POU6F2: variants seen among roughly 807,000 people sequenced by gnomAD.
POU6F2 encodes the protein POU class 6 homeobox 2, also known as POU domain, class 6, transcription factor 2.
In POU6F2, 31 loss-of-function variants were observed where a neutral mutation model predicts 71.3. That is an observed-to-expected ratio of 0.43 (90% CI 0.33 to 0.59). The LOEUF is 0.59. Among genes scored for constraint, POU6F2 ranks in the 20% least tolerant of loss-of-function variants. The pLI is 0.04. For synonymous variants in POU6F2, 347 were observed against 355.7 expected (o/e 0.98, Z 0.27); for missense variants, 783 against 856.8 (o/e 0.91, Z 1.07).
chr7:39,367,162 T>C (rs535884762), intron 5 of POU6F2, among the ~76,000 whole-genome samples: 1 of 152,342 alleles, frequency 6.6e-6, no homozygotes, highest in East Asian at 1.9e-4. Context: ...TCTTCATTAA[T>C]TTAACCATTA....
intron 4 of POU6F2, among the ~76,000 whole-genome samples, chr7:39,269,579 G>A (rs923639614): frequency 1.3e-5 from 2 of 152,188 alleles, no homozygotes; most frequent in African/African-American, 4.8e-5. Context: ...CCTATAAGTG[G>A]TTCTTTCTTC....
chr7:39,283,860 C>T (rs11514783), intron 4 of POU6F2, among the ~76,000 whole-genome samples: 44,012 of 151,908 alleles, frequency 0.29, 7,247 homozygotes, highest in East Asian at 0.46. Flanking sequence ...AAAAATTTAG[C>T]ACCTGTACTC....
At chr7:39,403,916 C>T (rs1337622971) in intron 5 of POU6F2, among the ~76,000 whole-genome samples, 1 of 152,256 alleles carries the variant, frequency 6.6e-6, no homozygotes, top group Non-Finnish European at 1.5e-5. Flanking sequence ...GCACACCACA[C>T]TCCGTGACTG....
At chr7:39,155,555 T>C (rs1212210905) in intron 2 of POU6F2, among the ~76,000 whole-genome samples, 1 of 152,172 alleles carries the variant, frequency 6.6e-6, no homozygotes, top group East Asian at 1.9e-4. Context: ...AAGTTGCAAA[T>C]ACCTTTGAAA....
chr7:39,283,703 A>G (rs1003021999), intron 4 of POU6F2, among the ~76,000 whole-genome samples: 1 of 152,188 alleles, frequency 6.6e-6, no homozygotes, highest in Non-Finnish European at 1.5e-5. Context: ...CTTTTTGGCT[A>G]TTGAGCAAAT....
At chr7:39,317,670 C>A (rs1290843297) in intron 4 of POU6F2, among the ~76,000 whole-genome samples, 1 of 152,136 alleles carries the variant, frequency 6.6e-6, no homozygotes, top group Non-Finnish European at 1.5e-5. Flanking sequence ...CTATTAGGTA[C>A]AGAACTGCCT....
At chr7:39,044,215 AT>A (rs1263739425) in intron 1 of POU6F2, among the ~76,000 whole-genome samples, 1 of 151,892 alleles carries the variant, frequency 6.6e-6, no homozygotes, top group Non-Finnish European at 1.5e-5. Context: ...TATGGGGTCG[AT>A]TTTCATTATC....
At chr7:39,009,734 G>T (rs372336807) in intron 1 of POU6F2, among the ~76,000 whole-genome samples, 2 of 151,558 alleles carry the variant, frequency 1.3e-5, no homozygotes, top group South Asian at 2.1e-4. Flanking sequence ...TAGCATGAAG[G>T]GTTGTTGAAT....
chr7:39,398,040 T>A (rs965786056), intron 5 of POU6F2, among the ~76,000 whole-genome samples: 65 of 148,182 alleles, frequency 4.4e-4, no homozygotes, highest in African/African-American at 1.3e-3. Flanking sequence ...CACGTATTTT[T>A]AAAAAAAAAA....
chr7:39,105,862 CA>C (rs1459680766), intron 2 of POU6F2, among the ~76,000 whole-genome samples: 2 of 152,142 alleles, frequency 1.3e-5, no homozygotes, highest in African/African-American at 4.8e-5. Flanking sequence ...CTCCAGTACC[CA>C]GGGGATACAT....
intron 1 of POU6F2, among the ~76,000 whole-genome samples, chr7:39,063,003 G>T (rs1401715714): frequency 6.6e-6 from 1 of 152,058 alleles, no homozygotes; most frequent in East Asian, 1.9e-4. Context: ...TCTGGAATGG[G>T]GTCAAAGTCA....
At position 39,162,729 on chromosome 7, in the gene POU6F2, A is replaced by G. The variant is rs1330491435; in HGVS notation, c.278-41506A>G. ...AAGTTAAACACTCTGGCTTTCTCAGAGCCATGATGCCATTATGCTGGTAAA... is the reference window on the plus strand; with the variant it reads ...AAGTTAAACACTCTGGCTTTCTCAGGGCCATGATGCCATTATGCTGGTAAA... On this transcript the variant is annotated intron_variant, in intron 2 of 9. Transcript: ENST00000518318. Among the ~76,000 whole-genome samples, 3 of 152,318 alleles carry G rather than the reference A, an allele frequency of 2.0e-5. No homozygotes were observed. In the East Asian group the frequency reaches 5.8e-4, roughly 29 times the overall value.
At chr7:39,038,081 G>A (rs1790105754) in intron 1 of POU6F2, among the ~76,000 whole-genome samples, 1 of 152,008 alleles carries the variant, frequency 6.6e-6, no homozygotes, top group African/African-American at 2.4e-5. Context: ...TCAAGCTGTA[G>A]CTTAACTGAG....
chr7:39,150,327 T>TA (rs1792730388), intron 2 of POU6F2, among the ~76,000 whole-genome samples: 1 of 151,890 alleles, frequency 6.6e-6, no homozygotes, highest in Non-Finnish European at 1.5e-5. Flanking sequence ...GGAGTGTAGA[T>TA]ATCTTTACAA....
intron 4 of POU6F2, among the ~76,000 whole-genome samples, chr7:39,302,189 T>C (rs1784959733): frequency 6.6e-6 from 1 of 152,202 alleles, no homozygotes; most frequent in Admixed American, 6.5e-5. Context: ...TCAAAAGTTA[T>C]GAGACAAGTT....
At chr7:39,154,347 C>T (rs1380714736) in intron 2 of POU6F2, among the ~76,000 whole-genome samples, 1 of 152,104 alleles carries the variant, frequency 6.6e-6, no homozygotes, top group African/African-American at 2.4e-5. Context: ...GCTCTCTTGG[C>T]CCCAGCGTGA....
chr7:39,339,177 A>G (rs1413083317), intron 4 of POU6F2, among the ~76,000 whole-genome samples: 3 of 152,014 alleles, frequency 2.0e-5, no homozygotes, highest in Non-Finnish European at 4.4e-5. Flanking sequence ...ACCATTAATG[A>G]TATTGATGAT....
At chr7:39,121,850 C>A (rs942807681) in intron 2 of POU6F2, among the ~76,000 whole-genome samples, 2 of 152,150 alleles carry the variant, frequency 1.3e-5, no homozygotes, top group Non-Finnish European at 2.9e-5. Flanking sequence ...AGGCATGTGC[C>A]ATCATGCCCA....
intron 1 of POU6F2, among the ~76,000 whole-genome samples, chr7:39,072,892 C>G (rs955828741): frequency 6.6e-6 from 1 of 152,170 alleles, no homozygotes; most frequent in African/African-American, 2.4e-5. Flanking sequence ...TGTGCACATG[C>G]CTAATCTACA....
Sources: allele counts gnomAD v4.1 joint callset (sites outside exome capture counted in the v4.1 genomes callset), GRCh38; gene constraint gnomAD v4.1.1; transcripts MANE v1.5; gene names NCBI Gene and HGNC (gene_info 2026-07-23, HGNC 2026-07-21).